The following PSD3 variants were observed in gnomAD, a reference collection of about 807,000 sequenced individuals.
PSD3 encodes pleckstrin and Sec7 domain containing 3.
In PSD3, 49 loss-of-function variants were observed where a neutral mutation model predicts 105.5. The ratio of observed to expected loss-of-function variants is 0.46; its 90% CI spans 0.37 to 0.59. PSD3 has a LOEUF of 0.59. PSD3 is among the 20% of genes least tolerant of loss of function. PSD3 has a pLI of 0.00. For synonymous variants in PSD3, 557 were observed against 457.8 expected (o/e 1.22, Z -2.77); for missense variants, 1,561 against 1,263.8 (o/e 1.24, Z -3.57).
At chr8:18,936,725 T>G (rs1348729986) in intron 1 of PSD3, among the ~76,000 whole-genome samples, 1 of 150,250 alleles carries the variant, frequency 6.7e-6, no homozygotes, top group Non-Finnish European at 1.5e-5. Context: ...GCCACTGCAC[T>G]CCAGCCTGGG....
intron 8 of PSD3, among the ~76,000 whole-genome samples, chr8:18,786,576 G>T (rs1170106622): frequency 6.6e-6 from 1 of 152,272 alleles, no homozygotes; most frequent in Admixed American, 6.5e-5. Flanking sequence ...CAGCCATTAG[G>T]AAAAATAGCA....
intron 2 of PSD3, among the ~76,000 whole-genome samples, chr8:18,913,228 A>C (rs1356132045): frequency 6.6e-6 from 1 of 151,930 alleles, no homozygotes; most frequent in Non-Finnish European, 1.5e-5. Context: ...AACTACTGCC[A>C]CCTTTTGAAA....
intron 9 of PSD3, among the ~76,000 whole-genome samples, chr8:18,712,370 G>A (rs1287456013): frequency 6.7e-6 from 1 of 149,266 alleles, no homozygotes; most frequent in Non-Finnish European, 1.5e-5. Flanking sequence ...ATTAATAGAT[G>A]AACCACTAGC....
chr8:19,061,658 A>T (rs1277646283), intron 1 of PSD3, among the ~76,000 whole-genome samples: 3 of 152,122 alleles, frequency 2.0e-5, no homozygotes, highest in Non-Finnish European at 4.4e-5. Context: ...TACAAAAATT[A>T]GCCAGGTGTG....
chr8:19,083,787 C>G (rs943569140), intron 1 of PSD3, among the ~76,000 whole-genome samples: 4 of 152,192 alleles, frequency 2.6e-5, no homozygotes, highest in Non-Finnish European at 4.4e-5. Flanking sequence ...ATCCCCTCAT[C>G]TGAAACTGGA....
intron 1 of PSD3, among the ~76,000 whole-genome samples, chr8:18,945,073 C>T (rs1406929796): frequency 6.6e-6 from 1 of 152,106 alleles, no homozygotes; most frequent in East Asian, 1.9e-4. Flanking sequence ...GACAGACACA[C>T]ACACACACAC....
chr8:18,737,327 T>TTG (rs150376192), intron 9 of PSD3, among the ~76,000 whole-genome samples: 7 of 151,874 alleles, frequency 4.6e-5, no homozygotes, highest in African/African-American at 7.3e-5. Flanking sequence ...ATTTGTTTAT[T>TTG]TGTGTGTGTG....
intron 11 of PSD3, among the ~76,000 whole-genome samples, chr8:18,616,484 T>C (rs1008777170): frequency 6.6e-6 from 1 of 152,306 alleles, no homozygotes; most frequent in Middle Eastern, 3.4e-3. Flanking sequence ...ACTCAGTGTC[T>C]GACATCTTTA....
At chr8:18,692,973 TTGG>T (rs1801054187) in intron 9 of PSD3, among the ~76,000 whole-genome samples, 1 of 152,082 alleles carries the variant, frequency 6.6e-6, no homozygotes, top group Non-Finnish European at 1.5e-5. Flanking sequence ...AGGTGGGAGT[TTGG>T]ACTGGTACTA....
chr8:18,554,090 G>C (rs1800931105), intron 15 of PSD3, among the ~76,000 whole-genome samples: 1 of 152,218 alleles, frequency 6.6e-6, no homozygotes, highest in Non-Finnish European at 1.5e-5. Context: ...CGACTCAAAA[G>C]TAGGGAGGGC....
intron 3 of PSD3, among the ~76,000 whole-genome samples, chr8:18,870,923 A>AC (rs766703435): frequency 1.2e-4 from 18 of 152,078 alleles, no homozygotes; most frequent in Admixed American, 8.5e-4. Context: ...ACAAAGTGGG[A>AC]CCCCATCTCT....
At chr8:18,616,328 A>T (rs1805661082) in intron 11 of PSD3, among the ~76,000 whole-genome samples, 1 of 152,240 alleles carries the variant, frequency 6.6e-6, no homozygotes, top group African/African-American at 2.4e-5. Context: ...CATATTTTTG[A>T]GATGGCCTTT....
intron 8 of PSD3, among the ~76,000 whole-genome samples, chr8:18,784,078 T>G (rs1331604478): frequency 6.6e-6 from 1 of 152,250 alleles, no homozygotes; most frequent in Non-Finnish European, 1.5e-5. Context: ...ATGTTTTGTA[T>G]GTTTTCAATC....
chr8:18,958,963 C>T (rs1361369972), intron 1 of PSD3, among the ~76,000 whole-genome samples: 1 of 151,338 alleles, frequency 6.6e-6, no homozygotes, highest in African/African-American at 2.4e-5. Flanking sequence ...TTCTGTTGCC[C>T]AGGGTGGAGT....
intron 1 of PSD3, among the ~76,000 whole-genome samples, chr8:19,005,546 T>A (rs142146357): frequency 6.6e-6 from 1 of 151,872 alleles, no homozygotes; most frequent in Admixed American, 6.6e-5. Flanking sequence ...AGCGATGCAA[T>A]CACGACACAC....
chr8:18,620,131 A>G (rs969358945), intron 11 of PSD3, among the ~76,000 whole-genome samples: 4 of 152,042 alleles, frequency 2.6e-5, no homozygotes, highest in African/African-American at 9.7e-5. Context: ...CAACAGCTTA[A>G]CTCTCTCAAC....
chr8:18,583,970 A>G (rs555834896), intron 12 of PSD3, among the ~76,000 whole-genome samples: 1 of 152,292 alleles, frequency 6.6e-6, no homozygotes, highest in African/African-American at 2.4e-5. Flanking sequence ...TCAGAAAGGT[A>G]GTTTACTAGC....
At chr8:18,814,911 A>G (rs1000899693) in intron 4 of PSD3, among the ~76,000 whole-genome samples, 18 of 152,390 alleles carry the variant, frequency 1.2e-4, no homozygotes, top group African/African-American at 4.3e-4. Flanking sequence ...AAAAGGCGGC[A>G]CAAAGCACAA....
chr8:18,828,091 T>A (rs1456339199), intron 4 of PSD3, among the ~76,000 whole-genome samples: 1 of 135,306 alleles, frequency 7.4e-6, no homozygotes, highest in Non-Finnish European at 1.6e-5. Flanking sequence ...ACAAAAAAAA[T>A]GAGGTTAATG....
Sources: allele counts gnomAD v4.1 joint callset (sites outside exome capture counted in the v4.1 genomes callset), GRCh38; gene constraint gnomAD v4.1.1; transcripts MANE v1.5; gene names NCBI Gene and HGNC (gene_info 2026-07-23, HGNC 2026-07-21).